The following SLC44A5 variants were observed in gnomAD, a reference collection of about 807,000 sequenced individuals.
The protein encoded by SLC44A5 is solute carrier family 44 member 5, also known as choline transporter-like protein 5.
SLC44A5 carries 57 observed loss-of-function variants against 101.8 expected under a neutral mutation model. That is an observed-to-expected ratio of 0.56 (90% CI 0.45 to 0.70). The LOEUF (loss-of-function observed/expected upper bound fraction) is 0.70. SLC44A5 is among the 30% of genes least tolerant of loss of function. The pLI is 0.00. For missense variants in SLC44A5, 737 were observed against 853.1 expected (o/e 0.86, Z 1.70); for synonymous variants, 281 against 290.9 (o/e 0.97, Z 0.35).
chr1:75,394,862 T>C (rs1638921596), intron 3 of SLC44A5, among the ~76,000 whole-genome samples: 1 of 151,988 alleles, frequency 6.6e-6, no homozygotes, highest in Non-Finnish European at 1.5e-5. Flanking sequence ...GAATACTGAG[T>C]GCACCCCAGA....
intron 1 of SLC44A5, among the ~76,000 whole-genome samples, chr1:75,587,448 C>A (rs1419791257): frequency 6.6e-6 from 1 of 152,196 alleles, no homozygotes; most frequent in Admixed American, 6.5e-5. Context: ...TAAACACTTT[C>A]TTCTTAACTC....
chr1:75,367,834 C>G (rs1456629295), intron 3 of SLC44A5, among the ~76,000 whole-genome samples: 1 of 152,184 alleles, frequency 6.6e-6, no homozygotes, highest in East Asian at 1.9e-4. Context: ...CAATCACTTA[C>G]TTGGATCCCA....
At chr1:75,583,166 T>C (rs1673795025) in intron 1 of SLC44A5, among the ~76,000 whole-genome samples, 1 of 152,136 alleles carries the variant, frequency 6.6e-6, no homozygotes. Flanking sequence ...AGGACTCTGT[T>C]CTGGTTTTTT....
intron 2 of SLC44A5, among the ~76,000 whole-genome samples, chr1:75,506,417 G>C (rs1458046362): frequency 6.6e-6 from 1 of 152,062 alleles, no homozygotes; most frequent in Non-Finnish European, 1.5e-5. Flanking sequence ...GAACAGGCTT[G>C]AATCTATAGA....
chr1:75,449,474 C>A (rs1665771583), intron 2 of SLC44A5, among the ~76,000 whole-genome samples: 1 of 152,102 alleles, frequency 6.6e-6, no homozygotes, highest in Non-Finnish European at 1.5e-5. Flanking sequence ...TATGTGGCTC[C>A]CCTTTTTGCC....
the SLC44A5 span, among the ~76,000 whole-genome samples, chr1:75,645,948 G>T: frequency 2.2e-5 from 3 of 134,440 alleles, 1 homozygote; most frequent in Non-Finnish European, 5.0e-5. Context: ...TTGTAGATGT[G>T]TGTTATTATT....
chr1:75,645,454 G>C, the SLC44A5 span, among the ~76,000 whole-genome samples: 1 of 151,398 alleles, frequency 6.6e-6, no homozygotes, highest in Admixed American at 6.6e-5. Flanking sequence ...CATATCCTTC[G>C]CCCACTTGTT....
the SLC44A5 span, among the ~76,000 whole-genome samples, chr1:75,638,189 T>G: frequency 6.6e-6 from 1 of 152,044 alleles, no homozygotes. Flanking sequence ...TTTATTGTCT[T>G]ATTATAATAT....
chr1:75,723,233 G>C, the SLC44A5 span, among the ~76,000 whole-genome samples: 109 of 152,158 alleles, frequency 7.2e-4, no homozygotes, highest in African/African-American at 2.5e-3. Context: ...GACTACTAGC[G>C]AGCGGCAACC....
the SLC44A5 span, among the ~76,000 whole-genome samples, chr1:75,719,304 A>G: frequency 6.6e-6 from 1 of 152,326 alleles, no homozygotes; most frequent in East Asian, 1.9e-4. Context: ...GGAATAAAAA[A>G]TTCTGATAGT....
chr1:75,686,599 T>C, the SLC44A5 span, among the ~76,000 whole-genome samples: 4 of 152,218 alleles, frequency 2.6e-5, no homozygotes, highest in African/African-American at 9.6e-5. Flanking sequence ...ACAGCGATTA[T>C]TGAAGGGACT....
the SLC44A5 span, among the ~76,000 whole-genome samples, chr1:75,672,919 G>C: frequency 6.6e-6 from 1 of 152,060 alleles, no homozygotes; most frequent in African/African-American, 2.4e-5. Context: ...CAGCTGACTT[G>C]AGAGCCCTTC....
chr1:75,294,266 TC>T (rs1476741499), intron 5 of SLC44A5, among the ~76,000 whole-genome samples: 2 of 152,140 alleles, frequency 1.3e-5, no homozygotes, highest in African/African-American at 4.8e-5. Flanking sequence ...ACCACCAAGT[TC>T]CCAAATTAGA....
chr1:75,497,479 T>TG (rs962928805), intron 2 of SLC44A5, among the ~76,000 whole-genome samples: 4 of 151,926 alleles, frequency 2.6e-5, no homozygotes, highest in African/African-American at 9.7e-5. Flanking sequence ...TCCTGGAGTG[T>TG]GGGGGGAGTG....
intron 1 of SLC44A5, among the ~76,000 whole-genome samples, chr1:75,583,898 C>T (rs1361467566): frequency 6.6e-6 from 1 of 152,318 alleles, no homozygotes; most frequent in Admixed American, 6.5e-5. Context: ...AGATCACAGA[C>T]CAGTTGGTGG....
intron 2 of SLC44A5, among the ~76,000 whole-genome samples, chr1:75,459,360 G>A (rs1226083413): frequency 6.6e-6 from 1 of 151,888 alleles, no homozygotes; most frequent in Non-Finnish European, 1.5e-5. Context: ...TCCATTTTTT[G>A]GACATTCAGT....
the SLC44A5 span, among the ~76,000 whole-genome samples, chr1:75,660,949 A>C: frequency 6.6e-6 from 1 of 152,164 alleles, no homozygotes; most frequent in Non-Finnish European, 1.5e-5. Context: ...ATCCTTATCA[A>C]AATACCAATG....
chr1:75,419,931 TG>T (rs1663898982), intron 2 of SLC44A5, among the ~76,000 whole-genome samples: 1 of 152,088 alleles, frequency 6.6e-6, no homozygotes, highest in Non-Finnish European at 1.5e-5. Context: ...GAGCAACCAT[TG>T]CTATGGTGTG....
intron 2 of SLC44A5, among the ~76,000 whole-genome samples, chr1:75,476,701 G>T (rs1252993486): frequency 2.0e-5 from 3 of 152,224 alleles, no homozygotes; most frequent in East Asian, 3.9e-4. Flanking sequence ...GCTGCGGGAG[G>T]GGCGCCCGCC....
Sources: gnomAD v4.1 joint callset for allele counts (sites outside exome capture counted in the v4.1 genomes callset) on GRCh38, gnomAD v4.1.1 for gene constraint, MANE v1.5 for transcripts, NCBI Gene and HGNC (gene_info 2026-07-23, HGNC 2026-07-21) for gene names.